The following RAB44 variants were observed in gnomAD, a reference collection of about 807,000 sequenced individuals.
RAB44 encodes ras-related protein Rab-44.
In RAB44, 67 loss-of-function variants were observed where a neutral mutation model predicts 93.3. That is an observed-to-expected ratio of 0.72 (90% confidence interval 0.59 to 0.88). The LOEUF (loss-of-function observed/expected upper bound fraction) is 0.88. Among genes scored for constraint, RAB44 ranks in the 40% least tolerant of loss-of-function variants. The probability of loss-of-function intolerance (pLI) is 0.00; values close to 1 mark genes in which losing one functional copy is unlikely to be tolerated. For missense variants in RAB44, 1,064 were observed against 1,261.7 expected, an observed-to-expected ratio of 0.84 and a Z score of 2.37; for synonymous variants, 427 against 520.3, an observed-to-expected ratio of 0.82 and a Z score of 2.44.
intron 10 of RAB44, among the ~76,000 whole-genome samples, chr6:36,726,839 C>T (rs1763249451): frequency 6.8e-6 from 1 of 147,744 alleles, no homozygotes; most frequent in Non-Finnish European, 1.5e-5. Flanking sequence ...CTTGCTCTGT[C>T]ACCCAGGCTG....
rs1467608343 is a variant in RAB44 at position 36,730,762 on chromosome 6, C to T, written c.2975+13C>T. 8 of 1,163,074 alleles carry T rather than the reference C, an allele frequency of 6.9e-6. No individual in the cohort carries two copies. The highest frequency in any genetic ancestry group is 3.3e-5 in the East Asian group (1 of 30,210). The allele number at this position is 1,163,074 out of a possible 1,614,324, so 72.0% of individuals were successfully genotyped here. ...TAAACCTGGCCAGGTAAGTGCTGCC[C>T]GCCCCCCGCCGCCCCCACCCCCCCC... On this transcript the variant is annotated intron_variant, in intron 13 of 13. Transcript: ENST00000612677.
At position 36,731,559 on chromosome 6, in the gene RAB44, A is replaced by C. The variant is rs1230776473; in HGVS notation, c.2976-444A>C. ...CAGCCTCCAAGCTCTCTCGGCACTG[A>C]GCCGCGCCATGGCCCTCTGCTTGGG... is the stretch of plus-strand genomic sequence containing the variant. On this transcript the variant is annotated intron_variant, in intron 13 of 13. Transcript: ENST00000612677. This position sits in a 1 kb window ranked among gnomAD's most constrained non-coding sequence, Gnocchi z 4.0. Among the ~76,000 whole-genome samples the C allele has an allele frequency of 2.0e-5, 3 of 151,938 alleles. No homozygotes were observed. Among genetic ancestry groups the C allele is most frequent in the Non-Finnish European group, 4.4e-5 (3 of 67,976 alleles).
Position 36,709,114 on chromosome 6 carries a change from T to A in RAB44, c.207+4672T>A, listed in dbSNP as rs765162581. Among the ~76,000 whole-genome samples the A allele has an allele frequency of 3.0e-4, 45 of 152,070 alleles. 1 individual carries two copies. Among genetic ancestry groups the A allele is most frequent in the South Asian group, 4.2e-4 (2 of 4,814 alleles). On this transcript the variant is annotated intron_variant, in intron 2 of 13. Coordinates refer to ENST00000612677, the MANE Select transcript of RAB44 (RefSeq NM_001257357.2). The stretch of plus-strand genomic sequence containing the variant: ...CGCCTGCCACCACCTCTGGCTATTT[T>A]TTTTTATTTTTATTTTTAGTAGAGA...
At chr6:36,718,655 C>A in intron 7 of RAB44, 67 bp downstream of exon 7, 1 of 746,564 alleles carries the variant, frequency 1.3e-6, no homozygotes, top group Non-Finnish European at 1.8e-6. Context: ...ACCTCAGTTT[C>A]CTATCAGAGA....
intron 3 of RAB44, 25 bp downstream of exon 3, chr6:36,713,964 T>C: frequency 1.4e-6 from 2 of 1,397,544 alleles, no homozygotes; most frequent in Non-Finnish European, 2.0e-6. Flanking sequence ...GGAGGGCCTC[T>C]GGGCACCCAG....
At position 36,717,566 on chromosome 6, in the gene RAB44, G is replaced by A. The variant is rs530998045; in HGVS notation, c.641+147G>A. 2.0e-5 allele frequency: 19 copies of A among 950,814 alleles called. No homozygotes were observed. In the African/African-American group the frequency reaches 3.0e-4, roughly 15 times the overall value. The allele number at this position is 950,814 out of a possible 1,614,324, so 58.9% of individuals were successfully genotyped here. On this transcript the variant is annotated intron_variant, in intron 5 of 13. Transcript: ENST00000612677. The surrounding 1 kb of genome is among the most constrained non-coding windows in gnomAD (Gnocchi z 4.1). The stretch of plus-strand genomic sequence containing the variant: ...CTGCGCTGGAGGAAGAGGTGGCTCA[G>A]GGGACCGGGTGGGGAGGACAGAGTT...
rs1762418849 is a variant in RAB44 at position 36,697,859 on chromosome 6, C to T, written c.-69C>T. 1 of 152,340 alleles carries T rather than the reference C, an allele frequency of 6.6e-6. No homozygotes were observed. Among genetic ancestry groups the T allele is most frequent in the Non-Finnish European group, 1.5e-5 (1 of 68,138 alleles). 9.4% of individuals were successfully genotyped at this position (152,340 alleles called of 1,614,324 possible). ...CGTGGGCTCCGCAGGGCAGCAGTCA[C>T]CCTACCACCAGGTCCCAGAGCCCAG... On this transcript the variant is annotated 5_prime_UTR_variant, in exon 1 of 14. Transcript: ENST00000612677.
chr6:36,718,175 T>A, intron 6 of RAB44, 57 bp downstream of exon 6: 1 of 1,145,170 alleles, frequency 8.7e-7, no homozygotes. Context: ...CTCTGCTGGC[T>A]AAGGAATGGG....
chr6:36,708,056 T>TA (rs1308543567), intron 2 of RAB44, among the ~76,000 whole-genome samples: 1 of 151,798 alleles, frequency 6.6e-6, no homozygotes, highest in African/African-American at 2.4e-5. Context: ...TAAAAAGGTT[T>TA]AAAAAATTAG....
chr6:36,722,498 C>T lies in RAB44; in HGVS notation c.2364C>T (p.Gly788=), dbSNP rs193121565. The T allele has an allele frequency of 3.6e-3, 5,429 of 1,493,390 alleles. 22 individuals are homozygous for T. The highest frequency in any genetic ancestry group is 4.4e-3 in the South Asian group (330 of 74,606). The allele number at this position is 1,493,390 out of a possible 1,614,324, so 92.5% of individuals were successfully genotyped here. The change falls in exon 9 of 14, where the codon GGC becomes GGT. Residue 788 remains glycine, a synonymous_variant. Transcript: ENST00000612677. The part of the protein sequence containing the change: ...SLTTAHAEEQ[G]PPHSREPRAE... ...CGACTGCTCACGCAGAAGAACAAGG[C>T]CCGCCTCACTCCAGGGAACCAAGGG... is the stretch of plus-strand genomic sequence containing the variant.
chr6:36,732,074 G>T lies in RAB44; in HGVS notation c.3047G>T (p.Arg1016Ile). 8.1e-7 allele frequency: 1 copy of T among 1,234,454 alleles called. No individual in the cohort carries two copies. The highest frequency in any genetic ancestry group is 3.2e-5 in the East Asian group (1 of 31,710). The allele number at this position is 1,234,454 out of a possible 1,614,324, so 76.5% of individuals were successfully genotyped here. A position where few individuals can be genotyped will look rare whatever the true frequency, so the allele number is the denominator to read the frequency against. The change falls in exon 14 of 14, where the codon AGA becomes ATA. Residue 1016 changes from arginine (R) to isoleucine (I), a missense_variant. Arg to Ile is a moderately conservative substitution (Grantham distance 97). Coordinates refer to ENST00000612677, the MANE Select transcript of RAB44 (RefSeq NM_001257357.2). Reference sequence around the variant, plus strand: ...GTGGCCCCCAAGAGGCCGCCCAAGAGATTCGGCTGTTGCTCCTGATCACCT... The same window carrying T: ...GTGGCCCCCAAGAGGCCGCCCAAGATATTCGGCTGTTGCTCCTGATCACCT... ...VKVAPKRPPKRFGCCS is the reference protein window; with the variant it reads ...VKVAPKRPPKIFGCCS
Position 36,717,535 on chromosome 6 carries a change from G to A in RAB44, c.641+116G>A. The A allele has an allele frequency of 1.8e-6, 2 of 1,122,896 alleles. No homozygotes were observed. The highest frequency in any genetic ancestry group is 2.2e-6 in the Non-Finnish European group (2 of 889,780). 69.6% of individuals were successfully genotyped at this position (1,122,896 alleles called of 1,614,324 possible). A position where few individuals can be genotyped will look rare whatever the true frequency, so the allele number is the denominator to read the frequency against. On this transcript the variant is annotated intron_variant, in intron 5 of 13. Transcript: ENST00000612677. This position sits in a 1 kb window ranked among gnomAD's most constrained non-coding sequence, Gnocchi z 4.1. ...CAGCTGGGCCTGTGAGCTGGATAGG[G>A]CAGAGCTGCGCTGGAGGAAGAGGTG...
At chr6:36,708,693 G>C (rs1053393495) in intron 2 of RAB44, among the ~76,000 whole-genome samples, 1 of 151,980 alleles carries the variant, frequency 6.6e-6, no homozygotes, top group African/African-American at 2.4e-5. Flanking sequence ...TTTAAAATAA[G>C]ATATAATAAG....
At chr6:36,718,308 C>T (rs1762979067) in intron 6 of RAB44, among the ~76,000 whole-genome samples, 185 bp from the exon 7 acceptor site, 1 of 152,234 alleles carries the variant, frequency 6.6e-6, no homozygotes, top group Non-Finnish European at 1.5e-5. Flanking sequence ...CCCTTCCCAT[C>T]TCTGCCAAGT....
intron 2 of RAB44, among the ~76,000 whole-genome samples, chr6:36,705,874 T>C (rs189494989): frequency 6.0e-4 from 91 of 151,892 alleles, no homozygotes; most frequent in Admixed American, 5.7e-3. Flanking sequence ...TACAGAATCT[T>C]ATGTATGAAA....
chr6:36,719,814 C>T (rs925389387), intron 7 of RAB44, among the ~76,000 whole-genome samples: 21 of 152,156 alleles, frequency 1.4e-4, no homozygotes, highest in African/African-American at 4.6e-4. Flanking sequence ...TGGAAGTTCA[C>T]AGAACAGTAA....
intron 3 of RAB44, 101 bp downstream of exon 3, chr6:36,714,040 G>C (rs1030928733): frequency 2.7e-6 from 2 of 747,536 alleles, no homozygotes; most frequent in Non-Finnish European, 4.5e-6. Flanking sequence ...CCTTTTCCCA[G>C]GGACTTTCAC....
At chr6:36,719,254 A>G (rs1012803986) in intron 7 of RAB44, among the ~76,000 whole-genome samples, 1 of 152,184 alleles carries the variant, frequency 6.6e-6, no homozygotes, top group African/African-American at 2.4e-5. Flanking sequence ...CCGGGACAAG[A>G]TTCCTCGAGC....
chr6:36,729,336 G>A (rs1417210502), intron 12 of RAB44, among the ~76,000 whole-genome samples: 1 of 151,994 alleles, frequency 6.6e-6, no homozygotes, highest in Non-Finnish European at 1.5e-5. Context: ...AAAAATAGAG[G>A]GAAAAATCAC....
Sources: gnomAD v4.1 joint callset for allele counts (sites outside exome capture counted in the v4.1 genomes callset) on GRCh38, gnomAD v4.1.1 for gene constraint, Gnocchi (gnomAD v3.1) non-coding constraint, MANE v1.5 for transcripts, NCBI Gene and HGNC (gene_info 2026-07-23, HGNC 2026-07-21) for gene names.